Variants in MUCL3 observed in about 807,000 individuals in gnomAD.
The protein encoded by MUCL3 is mucin-like protein 3.
In MUCL3, 42 loss-of-function variants were observed where a neutral mutation model predicts 70.2. The observed-to-expected ratio is 0.60, with a 90% confidence interval of 0.47 to 0.77. MUCL3 has a LOEUF of 0.77. Among genes scored for constraint, MUCL3 ranks in the 30% least tolerant of loss-of-function variants. The pLI, the probability that MUCL3 is intolerant of heterozygous loss-of-function variation, is 0.00. For synonymous variants in MUCL3, 522 were observed against 647.0 expected, an observed-to-expected ratio of 0.81 and a Z score of 2.93; for missense variants, 1,429 against 1,670.0, an observed-to-expected ratio of 0.86 and a Z score of 2.52.
At chr6:30,952,675 C>A in intron 2 of MUCL3, 176 bp downstream of exon 2, 1 of 825,148 alleles carries the variant, frequency 1.2e-6, no homozygotes, top group Non-Finnish European at 1.8e-6. Context: ...AATAAATACA[C>A]AGGAGGTAAA....
rs574112204 is a variant in MUCL3, at chr6:30,949,357, C to T, written c.893C>T (p.Thr298Ile). 2 of 1,551,812 alleles carry T rather than the reference C, an allele frequency of 1.3e-6. No individual in the cohort carries two copies. Among genetic ancestry groups the T allele is most frequent in the East Asian group, 2.4e-5 (1 of 40,920 alleles). Reference protein sequence around the residue: ...HGGRTANENNTPSPAEPTENR... With the variant: ...HGGRTANENNIPSPAEPTENR... ...GGAAGGACAGCCAATGAGAACAACA[C>T]ACCATCCCCAGCAGAGCCTACAGAA... Residue 298 changes from threonine (T) to isoleucine (I), a missense_variant, in exon 2 of 3, where the codon ACA becomes ATA. By Grantham distance (89) the Thr-to-Ile change is moderately conservative. Transcript: ENST00000462446.
chr6:30,948,925 GA>G lies in MUCL3; in HGVS notation c.468del (p.Lys156AsnfsTer3). On this transcript the variant is annotated frameshift_variant, in exon 2 of 3. Transcript: ENST00000462446. LOFTEE classifies it high-confidence loss of function. ...ACTACCACACATAAAGAATCCGCTG[GA>G]AAAAAACATATAACGCCAGCACCCA... ...DSTTTHKESA[G>X]KKHITPAPKS... 2 of 1,550,112 alleles carry G rather than the reference GA, an allele frequency of 1.3e-6. No homozygotes were observed. The highest frequency in any genetic ancestry group is 1.7e-6 in the Non-Finnish European group (2 of 1,146,632).
At position 30,952,256 on chromosome 6, in the gene MUCL3, T is replaced by C. The variant is rs771778110; in HGVS notation, c.3792T>C (p.Thr1264=). The C allele has an allele frequency of 1.9e-6, 3 of 1,614,090 alleles. No individual in the cohort carries two copies. Among genetic ancestry groups the C allele is most frequent in the South Asian group, 2.2e-5 (2 of 91,060 alleles). The change falls in exon 2 of 3, where the codon ACT becomes ACC. Residue 1264 remains threonine, a synonymous_variant. Coordinates refer to ENST00000462446, the MANE Select transcript of MUCL3 (RefSeq NM_080870.4). ...CTACCTCTTCTCATCTAAATAAAAC[T>C]GAAGTTACTCATCAGGTGCCCACTG... The part of the protein sequence containing the change: ...LTTTSSHLNK[T]EVTHQVPTGS...
rs1344077686 is a variant in MUCL3, at chr6:30,951,707, A to C, written c.3243A>C (p.Glu1081Asp). 1 of 1,552,306 alleles carries C rather than the reference A, an allele frequency of 6.4e-7. No individual in the cohort carries two copies. Among genetic ancestry groups the C allele is most frequent in the Non-Finnish European group, 8.7e-7 (1 of 1,147,110 alleles). Residue 1081 changes from glutamate (E) to aspartate (D), a missense_variant, in exon 2 of 3, where the codon GAA (glutamate) becomes GAC (aspartate). Physicochemically the swap from Glu to Asp is conservative, Grantham distance 45. Transcript: ENST00000462446. ...LANEKITLSP[E>D]GPTEHGAKTT... Reference sequence around the variant, plus strand: ...ATGAGAAGATCACACTATCCCCAGAAGGGCCTACAGAACATGGAGCAAAAA... The same window carrying C: ...ATGAGAAGATCACACTATCCCCAGACGGGCCTACAGAACATGGAGCAAAAA...
At chr6:30,941,195 A>T in intron 1 of MUCL3, 114 bp downstream of exon 1, 2 of 1,253,426 alleles carry the variant, frequency 1.6e-6, no homozygotes, top group East Asian at 2.5e-5. Context: ...TGCTACAGAC[A>T]GTTGTCTAGA....
Position 30,949,649 on chromosome 6 carries a change from C to T in MUCL3, c.1185C>T (p.Ser395=). ...CAGCCAATGAGAACACTACACCATCCCCAGCAGAGCCTACAGAACATGGAG... is the reference window on the plus strand; with the variant it reads ...CAGCCAATGAGAACACTACACCATCTCCAGCAGAGCCTACAGAACATGGAG... ...ERTANENTTP[S]PAEPTEHGER... The change falls in exon 2 of 3, where the codon TCC becomes TCT. Residue 395 remains serine (S), a synonymous_variant. Transcript: ENST00000462446. 1.3e-6 allele frequency: 2 copies of T among 1,547,590 alleles called. No homozygotes were observed. Among genetic ancestry groups the T allele is most frequent in the Non-Finnish European group, 1.7e-6 (2 of 1,145,088 alleles).
chr6:30,944,866 C>T (rs768199685), intron 1 of MUCL3, among the ~76,000 whole-genome samples: 1 of 152,212 alleles, frequency 6.6e-6, no homozygotes, highest in Non-Finnish European at 1.5e-5. Flanking sequence ...CAGAGATGCT[C>T]CTCTTGTCCT....
chr6:30,943,661 T>C (rs1024017104), intron 1 of MUCL3, among the ~76,000 whole-genome samples: 79 of 152,340 alleles, frequency 5.2e-4, no homozygotes, highest in African/African-American at 1.9e-3. Flanking sequence ...GAGATGGGAA[T>C]TGGGGCTGGG....
chr6:30,950,053 A>T lies in MUCL3; in HGVS notation c.1589A>T (p.Asn530Ile), dbSNP rs1760552814. Residue 530 changes from asparagine to isoleucine, a missense_variant, in exon 2 of 3, where the codon AAT becomes ATT. Asn to Ile is a moderately radical substitution (Grantham distance 149, BLOSUM62 -3). Coordinates refer to ENST00000462446, the MANE Select transcript of MUCL3 (RefSeq NM_080870.4). ...CACGGAGAAAGGACCCCACTGGCCA[A>T]TGAGAACACCACACCATCCCCAGCA... is the stretch of plus-strand genomic sequence containing the variant. Reference protein sequence around the residue: ...TEHGERTPLANENTTPSPAEP... With the variant: ...TEHGERTPLAIENTTPSPAEP... The T allele has an allele frequency of 6.4e-7, 1 of 1,551,020 alleles. No individual in the cohort carries two copies. Among genetic ancestry groups the T allele is most frequent in the African/African-American group, 1.4e-5 (1 of 72,702 alleles).
chr6:30,942,791 C>T (rs1007616562), intron 1 of MUCL3, among the ~76,000 whole-genome samples: 1 of 152,142 alleles, frequency 6.6e-6, no homozygotes, highest in African/African-American at 2.4e-5. Flanking sequence ...GAAGGGAATC[C>T]ACTCCATACA....
chr6:30,952,957 C>T lies in MUCL3; in HGVS notation c.4036-14C>T, dbSNP rs1380487121. 6.2e-7 allele frequency: 1 copy of T among 1,613,184 alleles called. No individual in the cohort carries two copies. The highest frequency in any genetic ancestry group is 1.7e-5 in the Admixed American group (1 of 59,840). ...CAGATGGTTCTCATTCCTCCTTTCT[C>T]ATCCCAATCACAGGTCTCCTATATG... On this transcript the variant is annotated splice_polypyrimidine_tract_variant and intron_variant, in intron 2 of 2. Transcript: ENST00000462446.
chr6:30,952,531 C>A (rs553252346), intron 2 of MUCL3, 32 bp downstream of exon 2: 2 of 1,548,230 alleles, frequency 1.3e-6, no homozygotes, highest in African/African-American at 2.8e-5. Flanking sequence ...CAGAAATCAA[C>A]CTATGGGATA....
At chr6:30,942,087 T>C (rs1180512808) in intron 1 of MUCL3, among the ~76,000 whole-genome samples, 1 of 152,148 alleles carries the variant, frequency 6.6e-6, no homozygotes, top group Non-Finnish European at 1.5e-5. Flanking sequence ...CTGCACCAGG[T>C]GTTGCTCTAG....
rs765247358 is a variant in MUCL3, at chr6:30,951,992, C to T, written c.3528C>T (p.Thr1176=). The change falls in exon 2 of 3, where the codon ACC becomes ACT. Residue 1176 remains threonine (T), a synonymous_variant. Coordinates refer to ENST00000462446, the MANE Select transcript of MUCL3 (RefSeq NM_080870.4). ...AACACCCAGAAAAGACCACGTCAACCACAGAGAAAACCACAAGAACCCCAG... is the reference window on the plus strand; with the variant it reads ...AACACCCAGAAAAGACCACGTCAACTACAGAGAAAACCACAAGAACCCCAG... ...STEHPEKTTS[T]TEKTTRTPEK... is the part of the protein sequence containing the mutation. 6.2e-7 allele frequency: 1 copy of T among 1,612,658 alleles called. No individual in the cohort carries two copies. The highest frequency in any genetic ancestry group is 8.5e-7 in the Non-Finnish European group (1 of 1,179,832).
Position 30,950,079 on chromosome 6 carries a change from G to T in MUCL3, c.1615G>T (p.Glu539Ter). 1 of 1,550,412 alleles carries T rather than the reference G, an allele frequency of 6.4e-7. No individual in the cohort carries two copies. The highest frequency in any genetic ancestry group is 8.7e-7 in the Non-Finnish European group (1 of 1,146,810). The stretch of plus-strand genomic sequence containing the variant: ...TGAGAACACCACACCATCCCCAGCA[G>T]AGCCTACAGAAAATAGAGAAAGGAC... ...ANENTTPSPAEPTENRERTAN... is the reference protein window; with the variant it reads ...ANENTTPSPA The change falls in exon 2 of 3, where the codon GAG becomes TAG. Residue 539 changes from glutamate (E) to a stop codon, truncating the protein, a stop_gained. Transcript: ENST00000462446. LOFTEE classifies it high-confidence loss of function.
chr6:30,954,186 C>CT lies in MUCL3; in HGVS notation c.*1075dup, dbSNP rs1760847672. 6.6e-6 allele frequency: 1 copy of CT among 152,022 alleles called. No homozygotes were observed. Among genetic ancestry groups the CT allele is most frequent in the Non-Finnish European group, 1.5e-5 (1 of 68,018 alleles). 9.4% of individuals were successfully genotyped at this position (152,022 alleles called of 1,614,324 possible). The stretch of plus-strand genomic sequence containing the variant: ...TGATAGTTTCCTTCTGTCTATTGAC[C>CT]TTTTTTATAATAAAGTATAACATGT... On this transcript the variant is annotated 3_prime_UTR_variant, in exon 3 of 3. Transcript: ENST00000462446. This position sits in a 1 kb window ranked among gnomAD's most constrained non-coding sequence, Gnocchi z 4.4.
chr6:30,948,119 T>C (rs965017153), intron 1 of MUCL3, among the ~76,000 whole-genome samples: 5 of 152,198 alleles, frequency 3.3e-5, no homozygotes, highest in African/African-American at 1.2e-4. Context: ...TGCTAGTCCA[T>C]ACATGCCCTC....
Position 30,952,417 on chromosome 6 carries a change from A to T in MUCL3, c.3953A>T (p.Asp1318Val). 1 of 1,614,080 alleles carries T rather than the reference A, an allele frequency of 6.2e-7. No individual in the cohort carries two copies. The highest frequency in any genetic ancestry group is 8.5e-7 in the Non-Finnish European group (1 of 1,179,984). The part of the protein sequence containing the change: ...GIHAGQMGEN[D>V]SFPAWAIVIV... ...CACGCTGGACAGATGGGAGAGAATG[A>T]TTCATTCCCTGCATGGGCCATAGTT... is the stretch of plus-strand genomic sequence containing the variant. Residue 1318 changes from aspartate to valine, a missense_variant, in exon 2 of 3, where the codon GAT becomes GTT. By Grantham distance (152) the Asp-to-Val change is radical (BLOSUM62 -3). Coordinates refer to ENST00000462446, the MANE Select transcript of MUCL3 (RefSeq NM_080870.4).
At chr6:30,948,510 T>G in intron 1 of MUCL3, 37 bp from the exon 2 acceptor site, 1 of 1,447,254 alleles carries the variant, frequency 6.9e-7, no homozygotes, top group Non-Finnish European at 9.2e-7. Flanking sequence ...GAGAAGAACA[T>G]GGGGGAAGTT....
Sources: allele counts gnomAD v4.1 joint callset (sites outside exome capture counted in the v4.1 genomes callset), GRCh38; gene constraint gnomAD v4.1.1; non-coding constraint Gnocchi (gnomAD v3.1); transcripts MANE v1.5; gene names NCBI Gene and HGNC (gene_info 2026-07-23, HGNC 2026-07-21).